NRCAM: variants seen among roughly 807,000 people sequenced by gnomAD.
The protein encoded by NRCAM is neuronal cell adhesion molecule.
A neutral mutation model predicts 156.5 loss-of-function variants in NRCAM; 83 were observed. The ratio of observed to expected loss-of-function variants is 0.53; its 90% CI spans 0.44 to 0.64. NRCAM has a LOEUF of 0.64. Among genes scored for constraint, NRCAM ranks in the 30% least tolerant of loss-of-function variants. The pLI, the probability that NRCAM is intolerant of heterozygous loss-of-function variation, is 0.00. For missense variants in NRCAM, 1,417 were observed against 1,597.3 expected (o/e 0.89, Z 1.92); for synonymous variants, 538 against 563.9 (o/e 0.95, Z 0.65).
chr7:108,258,280 T>C (rs2096760435), intron 3 of NRCAM, among the ~76,000 whole-genome samples: 1 of 152,206 alleles, frequency 6.6e-6, no homozygotes, highest in South Asian at 2.1e-4. Context: ...GTGTGGTGCT[T>C]TCTCTTAATT....
chr7:108,444,621 G>C (rs1229315330), intron 1 of NRCAM, among the ~76,000 whole-genome samples: 3 of 152,012 alleles, frequency 2.0e-5, no homozygotes, highest in East Asian at 3.9e-4. Flanking sequence ...GGCAACCTTT[G>C]GCCATTTTTG....
intron 2 of NRCAM, among the ~76,000 whole-genome samples, chr7:108,395,521 A>T (rs2099774318): frequency 6.6e-6 from 1 of 152,156 alleles, no homozygotes; most frequent in African/African-American, 2.4e-5. Flanking sequence ...ACAGCAACAC[A>T]TTTTACTGTT....
At position 108,232,357 on chromosome 7, in the gene NRCAM, T is replaced by C. The variant is rs1157416600; in HGVS notation, c.396A>G (p.Ala132=). ...GGCGGACAACAATGTTATTAGAAAC[T>C]GCAGCTCCGCGTTCGTTCCTTGCTG... ...QCTARNERGA[A]VSNNIVVRPS... The change falls in exon 7 of 33, where the codon GCA becomes GCG. Residue 132 remains alanine, a synonymous_variant. Transcript: ENST00000379028. The C allele has an allele frequency of 3.1e-6, 5 of 1,608,044 alleles. No individual in the cohort carries two copies. The highest frequency in any genetic ancestry group is 2.2e-5 in the East Asian group (1 of 44,676).
chr7:108,212,076 GCAAA>G (rs1434049400), intron 11 of NRCAM, among the ~76,000 whole-genome samples: 4 of 152,198 alleles, frequency 2.6e-5, no homozygotes, highest in Non-Finnish European at 5.9e-5. Flanking sequence ...AGGACTCTGT[GCAAA>G]CAAACTCCAA....
chr7:108,409,542 C>G (rs770944528), intron 1 of NRCAM, among the ~76,000 whole-genome samples: 1 of 152,144 alleles, frequency 6.6e-6, no homozygotes, highest in Non-Finnish European at 1.5e-5. Flanking sequence ...TGCCATCTCG[C>G]GCATCACCCC....
At position 108,149,824 on chromosome 7, in the gene NRCAM, A is replaced by G. The variant is rs1462320096; in HGVS notation, c.*86T>C. On this transcript the variant is annotated 3_prime_UTR_variant, in exon 33 of 33. Coordinates refer to ENST00000379028, the MANE Select transcript of NRCAM (RefSeq NM_001037132.4). ...ACAGCAGAAAATATACTCTCTACCC[A>G]TATGTTCATAGTATGAGAGGGCTGA... is the stretch of plus-strand genomic sequence containing the variant. 5 of 1,031,802 alleles carry G rather than the reference A, an allele frequency of 4.8e-6. No individual in the cohort carries two copies. Among genetic ancestry groups the G allele is most frequent in the Non-Finnish European group, 4.4e-6 (3 of 687,198 alleles). The allele number at this position is 1,031,802 out of a possible 1,614,324, so 63.9% of individuals were successfully genotyped here.
intron 1 of NRCAM, among the ~76,000 whole-genome samples, chr7:108,435,618 G>C (rs2154473538): frequency 6.6e-6 from 1 of 152,314 alleles, no homozygotes; most frequent in African/African-American, 2.4e-5. Context: ...TGAAGAGTGA[G>C]AGGAGGAAGA....
chr7:108,200,458 C>T (rs764164056), intron 13 of NRCAM, among the ~76,000 whole-genome samples: 18 of 152,088 alleles, frequency 1.2e-4, no homozygotes, highest in Non-Finnish European at 2.1e-4. Context: ...CCTGAAAATG[C>T]AGTGTAACTT....
At chr7:108,452,994 G>C (rs1281230920) in intron 1 of NRCAM, among the ~76,000 whole-genome samples, 1 of 151,826 alleles carries the variant, frequency 6.6e-6, no homozygotes, top group Non-Finnish European at 1.5e-5. Flanking sequence ...TTCAGTTTGT[G>C]CAAGTTCATC....
At chr7:108,303,202 T>C (rs2098657671) in intron 3 of NRCAM, among the ~76,000 whole-genome samples, 1 of 152,158 alleles carries the variant, frequency 6.6e-6, no homozygotes, top group Admixed American at 6.5e-5. Context: ...CCTCAAGTGA[T>C]GCACCCACCT....
intron 2 of NRCAM, among the ~76,000 whole-genome samples, chr7:108,375,377 G>T (rs143931450): frequency 6.6e-6 from 1 of 152,102 alleles, no homozygotes; most frequent in East Asian, 1.9e-4. Context: ...GCCCTTCAAG[G>T]ATCTGTCACA....
At chr7:108,435,467 G>C (rs572385732) in intron 1 of NRCAM, among the ~76,000 whole-genome samples, 2 of 152,092 alleles carry the variant, frequency 1.3e-5, no homozygotes, top group Admixed American at 6.5e-5. Flanking sequence ...GCAGAGGAGA[G>C]GGGGAGAAGA....
At chr7:108,390,874 T>G (rs1217389500) in intron 2 of NRCAM, among the ~76,000 whole-genome samples, 1 of 151,946 alleles carries the variant, frequency 6.6e-6, no homozygotes, top group African/African-American at 2.4e-5. Context: ...TCCATGTAGT[T>G]GAGCAGTTTT....
Position 108,178,175 on chromosome 7 carries a change from A to G in NRCAM, c.2852-63T>C, listed in dbSNP as rs371155579. On this transcript the variant is annotated intron_variant, in intron 25 of 32. Transcript: ENST00000379028. ...GAATGTTTCAACATGTATTAAATTG[A>G]CATTTCACCGTGCTCGCACGATTCA... The G allele has an allele frequency of 3.2e-5, 50 of 1,553,244 alleles. No homozygotes were observed. The East Asian group carries it at 3.4e-4, about 11-fold the overall frequency.
At chr7:108,452,701 T>C (rs1275965318) in intron 1 of NRCAM, among the ~76,000 whole-genome samples, 1 of 152,236 alleles carries the variant, frequency 6.6e-6, no homozygotes, top group Non-Finnish European at 1.5e-5. Flanking sequence ...AGTAAAGCAG[T>C]CTTTTGATTC....
intron 2 of NRCAM, among the ~76,000 whole-genome samples, chr7:108,347,045 T>TG (rs1313847467): frequency 7.2e-6 from 1 of 139,576 alleles, no homozygotes; most frequent in Non-Finnish European, 1.6e-5. Context: ...TTTTTTTTTT[T>TG]TTTTTTTTTT....
chr7:108,436,772 C>G (rs1832740951), intron 1 of NRCAM, among the ~76,000 whole-genome samples: 1 of 152,118 alleles, frequency 6.6e-6, no homozygotes, highest in Non-Finnish European at 1.5e-5. Context: ...TTTATGACCT[C>G]TTATCAAAAA....
Position 108,160,421 on chromosome 7 carries a change from G to A in NRCAM, c.3538C>T (p.Leu1180Phe), listed in dbSNP as rs2048185763. The change falls in exon 31 of 33, where the codon CTT becomes TTT. Residue 1180 changes from leucine to phenylalanine, a missense_variant. Coordinates refer to ENST00000379028, the MANE Select transcript of NRCAM (RefSeq NM_001037132.4). ...CAAACAATCAGCAAAATTAAGATAA[G>A]GAGAGCAACAGCACACATCAGACCA... is the stretch of plus-strand genomic sequence containing the variant. Reference protein sequence around the residue: ...FIGLMCAVALLILILLIVCFI... With the variant: ...FIGLMCAVALFILILLIVCFI... 2 of 1,613,484 alleles carry A rather than the reference G, an allele frequency of 1.2e-6. No individual in the cohort carries two copies. The highest frequency in any genetic ancestry group is 1.7e-5 in the Admixed American group (1 of 59,964).
At chr7:108,425,388 T>C (rs568991124) in intron 1 of NRCAM, among the ~76,000 whole-genome samples, 1 of 152,320 alleles carries the variant, frequency 6.6e-6, no homozygotes, top group Admixed American at 6.5e-5. Flanking sequence ...CAAAGATTTA[T>C]CTCCTATGAC....
Sources: gnomAD v4.1 joint callset for allele counts (sites outside exome capture counted in the v4.1 genomes callset) on GRCh38, gnomAD v4.1.1 for gene constraint, MANE v1.5 for transcripts, NCBI Gene and HGNC (gene_info 2026-07-23, HGNC 2026-07-21) for gene names.